Variants in KCNG3 observed in about 807,000 individuals in gnomAD.
KCNG3 encodes the protein potassium voltage-gated channel modifier subfamily G member 3.
KCNG3 carries 15 observed loss-of-function variants against 29.0 expected under a neutral mutation model. The observed-to-expected ratio is 0.52, with a 90% CI of 0.35 to 0.80. The LOEUF is 0.80. Ranked by LOEUF, KCNG3 falls within the 30% of genes least tolerant of loss-of-function variation. KCNG3 has a pLI of 0.01. For missense variants in KCNG3, 512 were observed against 605.7 expected (o/e 0.85, Z 1.62); for synonymous variants, 322 against 248.9 (o/e 1.29, Z -2.76).
the KCNG3 span, among the ~76,000 whole-genome samples, chr2:42,428,627 T>G: frequency 6.6e-6 from 1 of 152,114 alleles, no homozygotes; most frequent in Admixed American, 6.6e-5. Flanking sequence ...TGGTAGGAAT[T>G]TCTTACTATA....
chr2:42,420,649 C>T, the KCNG3 span, among the ~76,000 whole-genome samples: 1 of 152,020 alleles, frequency 6.6e-6, no homozygotes, highest in Non-Finnish European at 1.5e-5. Context: ...ATTAGCCGGA[C>T]GTGGTGGCAC....
At chr2:42,452,243 A>ATATATATAT in intron 1 of KCNG3, among the ~76,000 whole-genome samples, 5 of 95,042 alleles carry the variant, frequency 5.3e-5, no homozygotes, top group Admixed American at 2.1e-4. Context: ...ATATATATAT[A>ATATATATAT]TTTTTTTTTT....
chr2:42,433,934 C>T, the KCNG3 span, among the ~76,000 whole-genome samples: 1 of 152,020 alleles, frequency 6.6e-6, no homozygotes, highest in Non-Finnish European at 1.5e-5. Context: ...TAAGTTAAAC[C>T]AAACAAATGC....
chr2:42,489,933 G>C (rs1017500610), intron 1 of KCNG3, among the ~76,000 whole-genome samples: 2 of 152,096 alleles, frequency 1.3e-5, no homozygotes, highest in African/African-American at 4.8e-5. Context: ...CCCTCCCTCT[G>C]GGAAGATCTC....
chr2:42,452,239 A>AT (rs1374981573), intron 1 of KCNG3, among the ~76,000 whole-genome samples: 9 of 69,292 alleles, frequency 1.3e-4, no homozygotes, highest in African/African-American at 4.5e-4. Context: ...ATATATATAT[A>AT]TATATTTTTT....
chr2:42,404,389 A>C, the KCNG3 span, among the ~76,000 whole-genome samples: 1 of 152,200 alleles, frequency 6.6e-6, no homozygotes, highest in Admixed American at 6.5e-5. Context: ...AATGACTCCC[A>C]GAACAGTCTA....
At chr2:42,434,091 T>TATA in the KCNG3 span, among the ~76,000 whole-genome samples, 1 of 152,126 alleles carries the variant, frequency 6.6e-6, no homozygotes, top group Admixed American at 6.5e-5. Context: ...TTCAATGTAT[T>TATA]CACTGTCAAA....
chr2:42,420,627 T>C, the KCNG3 span, among the ~76,000 whole-genome samples: 6 of 151,924 alleles, frequency 3.9e-5, no homozygotes, highest in South Asian at 1.2e-3. Flanking sequence ...CCATCTCTAC[T>C]AAAAATACAT....
chr2:42,431,321 C>A, the KCNG3 span, among the ~76,000 whole-genome samples: 1 of 147,874 alleles, frequency 6.8e-6, no homozygotes, highest in African/African-American at 2.6e-5. Context: ...TTTTTTTTTT[C>A]CCTGAGCATT....
At chr2:42,477,696 T>C (rs1037008703) in intron 1 of KCNG3, among the ~76,000 whole-genome samples, 1 of 151,840 alleles carries the variant, frequency 6.6e-6, no homozygotes, top group Non-Finnish European at 1.5e-5. Context: ...CTGGCCAGCA[T>C]AGCGAAAATC....
chr2:42,406,844 A>G, the KCNG3 span, among the ~76,000 whole-genome samples: 1 of 140,390 alleles, frequency 7.1e-6, no homozygotes, highest in Non-Finnish European at 1.6e-5. Context: ...AAAAAAAAAA[A>G]GAAGGAGGCT....
chr2:42,393,827 C>T, the KCNG3 span, among the ~76,000 whole-genome samples: 1 of 151,846 alleles, frequency 6.6e-6, no homozygotes, highest in Non-Finnish European at 1.5e-5. Flanking sequence ...GTCGCCCAGG[C>T]TGGAGTGCAA....
chr2:42,474,219 T>C lies in KCNG3; in HGVS notation c.665+18618A>G, dbSNP rs114154774. Among the ~76,000 whole-genome samples, 243 of 150,886 alleles carry C rather than the reference T, an allele frequency of 1.6e-3. 2 individuals carry two copies. The highest frequency in any genetic ancestry group is 6.9e-3 in the Middle Eastern group (2 of 288). On this transcript the variant is annotated intron_variant, in intron 1 of 1. Transcript: ENST00000306078. ...CTCTGGGCGACAGAGCAAGAGTTCA[T>C]CTCGGAGAGAAAAAAAAACACTGTT...
the KCNG3 span, among the ~76,000 whole-genome samples, chr2:42,390,760 A>T: frequency 6.6e-6 from 1 of 152,226 alleles, no homozygotes; most frequent in Admixed American, 6.5e-5. Context: ...ACAAATAATC[A>T]GTGAGCTATT....
At chr2:42,392,929 T>C in the KCNG3 span, among the ~76,000 whole-genome samples, 1 of 152,116 alleles carries the variant, frequency 6.6e-6, no homozygotes, top group African/African-American at 2.4e-5. Context: ...ATGGGAGTAT[T>C]GGGTTGATTT....
chr2:42,456,428 C>G (rs964582783), intron 1 of KCNG3, among the ~76,000 whole-genome samples: 1 of 152,080 alleles, frequency 6.6e-6, no homozygotes, highest in Non-Finnish European at 1.5e-5. Flanking sequence ...ACTGAGGAGG[C>G]TGAGGAGGAG....
At chr2:42,400,785 T>G in the KCNG3 span, among the ~76,000 whole-genome samples, 18 of 148,796 alleles carry the variant, frequency 1.2e-4, no homozygotes, top group Admixed American at 3.4e-4. Flanking sequence ...AAAAAATGGG[T>G]TTTTTTTTTC....
In KCNG3 at chr2:42,444,448, T is replaced by TAATACGGCG. The variant is rs1271608774; in HGVS notation, c.788_796dup (p.Tyr265_Tyr266insSerProTyr). The TAATACGGCG allele has an allele frequency of 6.2e-7, 1 of 1,614,198 alleles. No homozygotes were observed. Among genetic ancestry groups the TAATACGGCG allele is most frequent in the Admixed American group, 1.7e-5 (1 of 60,028 alleles). On this transcript the variant is annotated inframe_insertion, in exon 2 of 2. Transcript: ENST00000306078. This position sits in a 1 kb window ranked among gnomAD's most constrained non-coding sequence, Gnocchi z 5.8. ...AAACACTGTCATCAACACAGAGATG[T>TAATACGGCG]AATACGGCGTGATTGCCAGTAAATC... is the stretch of plus-strand genomic sequence containing the variant.
At chr2:42,463,588 C>T in intron 1 of KCNG3, 1 of 172,118 alleles carries the variant, frequency 5.8e-6, no homozygotes, top group South Asian at 1.5e-4. Context: ...CACCAGGGCA[C>T]CCCAGATTGA....
Sources: allele counts gnomAD v4.1 joint callset (sites outside exome capture counted in the v4.1 genomes callset), GRCh38; gene constraint gnomAD v4.1.1; non-coding constraint Gnocchi (gnomAD v3.1); transcripts MANE v1.5; gene names NCBI Gene and HGNC (gene_info 2026-07-23, HGNC 2026-07-21).